SLC35F1: variants seen among roughly 807,000 people sequenced by gnomAD.
SLC35F1 encodes solute carrier family 35 member F1.
In SLC35F1, 14 loss-of-function variants were observed where a neutral mutation model predicts 48.7. That is an observed-to-expected ratio of 0.29 (90% CI 0.19 to 0.45). The LOEUF (loss-of-function observed/expected upper bound fraction) is 0.45, where lower values mean the gene tolerates loss of function less well. Among genes scored for constraint, SLC35F1 ranks in the 20% least tolerant of loss-of-function variants. The pLI, the probability that SLC35F1 is intolerant of heterozygous loss-of-function variation, is 1.00. For synonymous variants in SLC35F1, 190 were observed against 202.2 expected (o/e 0.94, Z 0.51); for missense variants, 404 against 500.0 (o/e 0.81, Z 1.83).
At chr6:118,053,185 G>C (rs1469684596) in intron 1 of SLC35F1, among the ~76,000 whole-genome samples, 1 of 152,088 alleles carries the variant, frequency 6.6e-6, no homozygotes, top group Non-Finnish European at 1.5e-5. Flanking sequence ...TTAGGAATTA[G>C]AAATCCAGTT....
chr6:118,068,081 C>A (rs1203134070), intron 1 of SLC35F1, among the ~76,000 whole-genome samples: 1 of 152,148 alleles, frequency 6.6e-6, no homozygotes, highest in Admixed American at 6.5e-5. Context: ...GAAGAAGGTT[C>A]TCCTAGCTCC....
chr6:118,256,020 AGTTTGT>A (rs1775638426), intron 3 of SLC35F1, among the ~76,000 whole-genome samples: 2 of 152,154 alleles, frequency 1.3e-5, no homozygotes, highest in African/African-American at 4.8e-5. Context: ...CTACCAAAAA[AGTTTGT>A]TCCAGATGAA....
chr6:117,931,115 G>A (rs553236434), intron 1 of SLC35F1, among the ~76,000 whole-genome samples: 82 of 152,098 alleles, frequency 5.4e-4, no homozygotes, highest in Non-Finnish European at 1.1e-3. Flanking sequence ...AATTATTGGT[G>A]TTGTTCATTG....
intron 1 of SLC35F1, among the ~76,000 whole-genome samples, chr6:118,146,561 G>A (rs1773975808): frequency 1.3e-5 from 2 of 152,094 alleles, no homozygotes; most frequent in Admixed American, 1.3e-4. Flanking sequence ...TTTCAGATTG[G>A]CTTTGTCCAC....
At chr6:117,928,951 C>G (rs1285994295) in intron 1 of SLC35F1, among the ~76,000 whole-genome samples, 1 of 152,060 alleles carries the variant, frequency 6.6e-6, no homozygotes, top group Admixed American at 6.6e-5. Flanking sequence ...GTCTTAAAAA[C>G]TTGAGAAACC....
chr6:118,074,335 A>T (rs1308607657), intron 1 of SLC35F1, among the ~76,000 whole-genome samples: 1 of 152,218 alleles, frequency 6.6e-6, no homozygotes, highest in Non-Finnish European at 1.5e-5. Flanking sequence ...TTATGTTCCC[A>T]GCATGGAATA....
Position 117,908,174 on chromosome 6 carries a change from T to G in SLC35F1, c.173+275T>G, listed in dbSNP as rs560627229. Among the ~76,000 whole-genome samples the G allele has an allele frequency of 9.2e-5, 14 of 152,196 alleles. No individual in the cohort carries two copies. In the East Asian group the frequency reaches 2.5e-3, roughly 27 times the overall value. On this transcript the variant is annotated intron_variant, in intron 1 of 7. Transcript: ENST00000360388. ...TTTTCGTACCTAGCCACCCTGTATG[T>G]GTGTCCGCACTCACACCCTCCATAC...
At chr6:117,944,974 C>A (rs1776278274) in intron 1 of SLC35F1, among the ~76,000 whole-genome samples, 1 of 152,146 alleles carries the variant, frequency 6.6e-6, no homozygotes, top group Non-Finnish European at 1.5e-5. Context: ...AGTGCCTGCT[C>A]TGTGCCAAAC....
At chr6:118,138,206 G>C (rs1234270387) in intron 1 of SLC35F1, among the ~76,000 whole-genome samples, 1 of 151,922 alleles carries the variant, frequency 6.6e-6, no homozygotes, top group Non-Finnish European at 1.5e-5. Flanking sequence ...CTACTCAAGA[G>C]GCTGAGGTGG....
rs188053205 is a variant in SLC35F1, at chr6:118,170,961, T to C, written c.349+16341T>C. Among the ~76,000 whole-genome samples, 273 of 152,332 alleles carry C rather than the reference T, an allele frequency of 1.8e-3. 2 individuals carry two copies. The highest frequency in any genetic ancestry group is 0.01 in the Middle Eastern group (3 of 294). ...GCATGTTTCTGTGCATATGCATTTATATACATAATTATAATGTGTTTTTGT... is the reference window on the plus strand; with the variant it reads ...GCATGTTTCTGTGCATATGCATTTACATACATAATTATAATGTGTTTTTGT... On this transcript the variant is annotated intron_variant, in intron 2 of 7. Coordinates refer to ENST00000360388, the MANE Select transcript of SLC35F1 (RefSeq NM_001029858.4).
intron 3 of SLC35F1, among the ~76,000 whole-genome samples, chr6:118,253,795 A>G (rs1404099847): frequency 3.9e-5 from 6 of 152,068 alleles, no homozygotes. Flanking sequence ...TGGTGATCAT[A>G]GTGAAAGGAG....
chr6:117,924,477 TGTATATACGTATATACATATGTATATAC>T (rs1264977957), intron 1 of SLC35F1, among the ~76,000 whole-genome samples: 2 of 17,470 alleles, frequency 1.1e-4, no homozygotes, highest in Non-Finnish European at 2.0e-4. Flanking sequence ...TATATACATA[TGTATATACGTATATACATATGTATATAC>T]GTATATACAT....
chr6:118,076,658 C>A (rs148933399), intron 1 of SLC35F1, among the ~76,000 whole-genome samples: 1 of 152,202 alleles, frequency 6.6e-6, no homozygotes, highest in Non-Finnish European at 1.5e-5. Context: ...TCTCTTTGAA[C>A]CCGTGTGGAT....
At chr6:118,204,062 A>G (rs1774903279) in intron 2 of SLC35F1, among the ~76,000 whole-genome samples, 2 of 151,658 alleles carry the variant, frequency 1.3e-5, no homozygotes, top group African/African-American at 4.8e-5. Flanking sequence ...GGCCTACTTT[A>G]TCTAGGATGG....
intron 3 of SLC35F1, among the ~76,000 whole-genome samples, chr6:118,262,016 A>T (rs1268814615): frequency 6.6e-6 from 1 of 152,062 alleles, no homozygotes; most frequent in Admixed American, 6.6e-5. Context: ...ATTCTGTAAA[A>T]CCGGGATACA....
chr6:118,039,808 G>GT (rs201281915), intron 1 of SLC35F1, among the ~76,000 whole-genome samples: 2,894 of 119,138 alleles, frequency 0.024, 136 homozygotes, highest in Middle Eastern at 0.067. Flanking sequence ...TGTTTTTTTT[G>GT]TTTTTTTTTT....
intron 2 of SLC35F1, among the ~76,000 whole-genome samples, chr6:118,176,243 A>G (rs1341119307): frequency 2.0e-5 from 3 of 151,992 alleles, no homozygotes; most frequent in Non-Finnish European, 4.4e-5. Context: ...AAATATCCCC[A>G]TTCCCCTCTT....
intron 1 of SLC35F1, among the ~76,000 whole-genome samples, chr6:117,939,249 A>G (rs1776199238): frequency 6.6e-6 from 1 of 152,144 alleles, no homozygotes; most frequent in South Asian, 2.1e-4. Context: ...GAGCAGAGAC[A>G]TGATTCAAAT....
intron 1 of SLC35F1, among the ~76,000 whole-genome samples, chr6:118,103,024 C>T (rs11153721): frequency 0.21 from 31,222 of 152,100 alleles, 3,405 homozygotes; most frequent in East Asian, 0.32. Context: ...ACCAGGTCTA[C>T]CTTCCAAAGT....
Sources: allele counts gnomAD v4.1 joint callset (sites outside exome capture counted in the v4.1 genomes callset), GRCh38; gene constraint gnomAD v4.1.1; transcripts MANE v1.5; gene names NCBI Gene and HGNC (gene_info 2026-07-23, HGNC 2026-07-21).